Variants in PDXDC1 observed in about 807,000 individuals in gnomAD.
The protein encoded by PDXDC1 is pyridoxal dependent decarboxylase domain containing 1.
PDXDC1 carries 42 observed loss-of-function variants against 100.1 expected under a neutral mutation model. The observed-to-expected ratio is 0.42, with a 90% CI of 0.33 to 0.54. The LOEUF is 0.54. Among genes scored for constraint, PDXDC1 ranks in the 20% least tolerant of loss-of-function variants. The pLI is 0.10. For missense variants in PDXDC1, 636 were observed against 979.2 expected (o/e 0.65, Z 4.68); for synonymous variants, 260 against 371.7 (o/e 0.70, Z 3.46).
downstream of PDXDC1, chr16:15,041,491 C>A: frequency 1.3e-6 from 1 of 758,934 alleles, no homozygotes; most frequent in South Asian, 1.4e-5. Flanking sequence ...CATCCCACCA[C>A]AGGAAGAGCC....
At chr16:15,035,309 G>A (rs2043344853) in intron 21 of PDXDC1, 140 bp from the exon 22 acceptor site, 2 of 518,174 alleles carry the variant, frequency 3.9e-6, no homozygotes, top group Non-Finnish European at 7.0e-6. Context: ...ACATTCATAA[G>A]TGCCCTTCTC....
intron 16 of PDXDC1, among the ~76,000 whole-genome samples, chr16:15,049,185 C>T (rs1283652311): frequency 6.6e-6 from 1 of 151,678 alleles, no homozygotes; most frequent in Non-Finnish European, 1.5e-5. Flanking sequence ...CACACCGCCA[C>T]ACCTGGCTGA....
At position 15,035,432 on chromosome 16, in the gene PDXDC1, C is replaced by A; in HGVS notation, c.2003-17C>A. ...CCTGTGCCTGTAGCTTCTACCCAGC[C>A]CTCTCCTCTCCCGCAGGCTCTCTGG... On this transcript the variant is annotated splice_polypyrimidine_tract_variant and intron_variant, in intron 21 of 22. Coordinates refer to ENST00000396410, the MANE Select transcript of PDXDC1 (RefSeq NM_015027.4). The A allele has an allele frequency of 1.3e-6, 2 of 1,534,308 alleles. No homozygotes were observed. The highest frequency in any genetic ancestry group is 1.8e-6 in the Non-Finnish European group (2 of 1,118,512).
At chr16:15,063,533 C>G (rs1490043209) in intron 16 of PDXDC1, among the ~76,000 whole-genome samples, 1 of 151,582 alleles carries the variant, frequency 6.6e-6, no homozygotes, top group African/African-American at 2.4e-5. Context: ...ACGGTGAAAC[C>G]CCATCTCTAC....
chr16:15,107,979 T>C (rs1332562419), intron 16 of PDXDC1: 1 of 615,126 alleles, frequency 1.6e-6, no homozygotes, highest in African/African-American at 2.0e-5. Context: ...CTACTGCACT[T>C]TGCCATGATT....
chr16:15,092,000 A>T (rs942771663), intron 16 of PDXDC1, among the ~76,000 whole-genome samples: 19 of 152,098 alleles, frequency 1.2e-4, no homozygotes, highest in Admixed American at 1.2e-3. Context: ...AACATGGTGA[A>T]ACCCTGCCTC....
chr16:15,094,202 G>A (rs980273958), intron 16 of PDXDC1: 20 of 1,598,974 alleles, frequency 1.3e-5, no homozygotes, highest in African/African-American at 6.7e-5. Context: ...CGCATCTCCC[G>A]GCAAACGCGT....
At chr16:15,144,555 C>T in the PDXDC1 span, among the ~76,000 whole-genome samples, 29 of 152,272 alleles carry the variant, frequency 1.9e-4, no homozygotes, top group Admixed American at 6.5e-4. Context: ...GAGCCCTGCA[C>T]GAGGTTCTCT....
At position 15,061,775 on chromosome 16, in the gene PDXDC1, G is replaced by C. The variant is rs775475046; in HGVS notation, c.1399+31719G>C. 3 of 1,613,988 alleles carry C rather than the reference G, an allele frequency of 1.9e-6. No homozygotes were observed. In the South Asian group the frequency reaches 3.3e-5, roughly 18 times the overall value. On this transcript the variant is annotated intron_variant, in intron 16 of 16. Transcript: ENST00000535621. Reference sequence around the variant, plus strand: ...GGGACTGGGTTGCATGTACAACACGGGTGGGGAGCCCACACTACTTGAAGG... The same window carrying C: ...GGGACTGGGTTGCATGTACAACACGCGTGGGGAGCCCACACTACTTGAAGG...
chr16:15,032,119 T>C (rs979059468), intron 17 of PDXDC1: 11 of 579,688 alleles, frequency 1.9e-5, no homozygotes, highest in Admixed American at 2.9e-5. Context: ...TTGCTGAATG[T>C]TCTGTCTGTA....
intron 16 of PDXDC1, among the ~76,000 whole-genome samples, chr16:15,085,181 A>G (rs1225364181): frequency 2.0e-5 from 3 of 152,270 alleles, no homozygotes; most frequent in African/African-American, 7.2e-5. Flanking sequence ...AGCATCAACG[A>G]AAATTAAATG....
chr16:15,003,324 C>T (rs1186277183), intron 4 of PDXDC1, among the ~76,000 whole-genome samples: 1 of 151,058 alleles, frequency 6.6e-6, no homozygotes, highest in Admixed American at 6.7e-5. Context: ...TCACTCCATT[C>T]TCCTGCCTCA....
intron 4 of PDXDC1, among the ~76,000 whole-genome samples, chr16:15,003,404 G>A (rs1349847108): frequency 2.0e-5 from 3 of 152,154 alleles, no homozygotes; most frequent in Non-Finnish European, 4.4e-5. Context: ...TTTTAGTAGA[G>A]ATGGGGTTTC....
intron 16 of PDXDC1, chr16:15,071,025 T>C: frequency 9.1e-7 from 1 of 1,094,096 alleles, no homozygotes; most frequent in Non-Finnish European, 1.3e-6. Flanking sequence ...TTTAAAAACA[T>C]GCCAAAAAAA....
downstream of PDXDC1, among the ~76,000 whole-genome samples, chr16:15,143,761 T>C (rs1184597389): frequency 6.6e-6 from 1 of 152,210 alleles, no homozygotes; most frequent in East Asian, 1.9e-4. Context: ...ACAGAGGGAA[T>C]GGCCCCAGAC....
rs2047530849 is a variant in PDXDC1 at position 15,123,303 on chromosome 16, C to A, written c.1400-15576C>A. 1.0e-5 allele frequency: 15 copies of A among 1,453,016 alleles called. No homozygotes were observed. The South Asian group carries it at 1.8e-4, about 18-fold the overall frequency. The allele number at this position is 1,453,016 out of a possible 1,614,324, so 90.0% of individuals were successfully genotyped here. On this transcript the variant is annotated intron_variant, in intron 16 of 16. Transcript: ENST00000535621. ...AACCTTCACAAACCTGATTTCTGGT[C>A]CACCCCAACCAGCTCCCTGTCCCTG...
At chr16:15,040,025 G>C (rs371093897), downstream of PDXDC1, 120 of 1,612,116 alleles carry the variant, frequency 7.4e-5, 1 homozygote, top group East Asian at 6.9e-4. Context: ...CCCCGATCTT[G>C]AAAGGATGCT....
At chr16:15,103,546 C>T (rs1034419147) in intron 16 of PDXDC1, among the ~76,000 whole-genome samples, 12 of 151,638 alleles carry the variant, frequency 7.9e-5, no homozygotes, top group Non-Finnish European at 1.6e-4. Context: ...CTCTGTCACC[C>T]AGGCTAGAGT....
intron 12 of PDXDC1, among the ~76,000 whole-genome samples, chr16:15,022,268 A>G (rs1007081245): frequency 1.3e-5 from 2 of 152,296 alleles, no homozygotes; most frequent in Non-Finnish European, 2.9e-5. Flanking sequence ...GACAGGTTAC[A>G]TAGCTGGTGA....
Sources: gnomAD v4.1 joint callset for allele counts (sites outside exome capture counted in the v4.1 genomes callset) on GRCh38, gnomAD v4.1.1 for gene constraint, MANE v1.5 for transcripts, NCBI Gene and HGNC (gene_info 2026-07-23, HGNC 2026-07-21) for gene names.